The following CRIM1 variants were observed in gnomAD, a reference collection of about 807,000 sequenced individuals.
CRIM1 encodes the protein cysteine-rich motor neuron 1 protein.
A neutral mutation model predicts 116.4 loss-of-function variants in CRIM1; 32 were observed. That is an observed-to-expected ratio of 0.27 (90% CI 0.21 to 0.37). The LOEUF (loss-of-function observed/expected upper bound fraction) is 0.37. Ranked by LOEUF, CRIM1 falls within the 10% of genes least tolerant of loss-of-function variation. The probability of loss-of-function intolerance (pLI) is 1.00; values close to 1 mark genes in which losing one functional copy is unlikely to be tolerated. For synonymous variants in CRIM1, 590 were observed against 509.2 expected (o/e 1.16, Z -2.13); for missense variants, 1,331 against 1,354.8 (o/e 0.98, Z 0.28).
intron 1 of CRIM1, among the ~76,000 whole-genome samples, chr2:36,390,474 CAG>C (rs2148359575): frequency 6.6e-6 from 1 of 152,318 alleles, no homozygotes; most frequent in East Asian, 1.9e-4. Context: ...TGCCTCCTTT[CAG>C]GGCACGGGGT....
rs11899978 is a variant in CRIM1, at chr2:36,378,661, T to G, written c.332-17953T>G. On this transcript the variant is annotated intron_variant, in intron 1 of 16. Coordinates refer to ENST00000280527, the MANE Select transcript of CRIM1 (RefSeq NM_016441.3). ...ACTGCTGTCCTAAAGGTAAAAGATT[T>G]TGATCCAGAGGTTGGATTGTTCCTC... The G allele has an allele frequency of 2.0e-3, 403 of 199,766 alleles. 2 individuals carry two copies. The highest frequency in any genetic ancestry group is 8.4e-3 in the African/African-American group (370 of 44,134). The allele number at this position is 199,766 out of a possible 1,614,324, so 12.4% of individuals were successfully genotyped here.
intron 2 of CRIM1, among the ~76,000 whole-genome samples, chr2:36,437,704 G>A (rs968357087): frequency 6.6e-6 from 1 of 152,182 alleles, no homozygotes; most frequent in African/African-American, 2.4e-5. Context: ...ACTTAAGACT[G>A]TGTCTTTGGT....
At chr2:36,464,798 T>G (rs746523924) in intron 5 of CRIM1, 143 bp downstream of exon 5, 6 of 922,100 alleles carry the variant, frequency 6.5e-6, no homozygotes, top group African/African-American at 3.3e-5. Context: ...AAGGTTTGCT[T>G]AAGATCCACA....
chr2:36,463,920 C>G lies in CRIM1; in HGVS notation c.870-614C>G, dbSNP rs57885181. 3.3e-3 allele frequency among the ~76,000 whole-genome samples: 508 copies of G among 152,324 alleles called. 2 individuals carry two copies. Among genetic ancestry groups the G allele is most frequent in the African/African-American group, 0.012 (484 of 41,566 alleles). On this transcript the variant is annotated intron_variant, in intron 4 of 16. Transcript: ENST00000280527. Reference sequence around the variant, plus strand: ...TCACTTACTACAGCTTAGGCCCTCTCTTTATAAAGAGCTCCTCAGTCTTCA... The same window carrying G: ...TCACTTACTACAGCTTAGGCCCTCTGTTTATAAAGAGCTCCTCAGTCTTCA...
intron 1 of CRIM1, among the ~76,000 whole-genome samples, chr2:36,363,721 A>G (rs1669402997): frequency 6.6e-6 from 1 of 152,178 alleles, no homozygotes; most frequent in Non-Finnish European, 1.5e-5. Flanking sequence ...TAGATGTGCT[A>G]TAATCAGCAG....
intron 2 of CRIM1, among the ~76,000 whole-genome samples, chr2:36,411,662 T>TTGTGTGTGTG (rs58015078): frequency 5.9e-4 from 88 of 150,202 alleles, no homozygotes; most frequent in African/African-American, 1.7e-3. Context: ...ATCTTATTCT[T>TTGTGTGTGTG]TGTGTGTGTG....
chr2:36,505,029 G>A (rs1478162456), intron 8 of CRIM1, among the ~76,000 whole-genome samples: 3 of 152,178 alleles, frequency 2.0e-5, no homozygotes, highest in African/African-American at 4.8e-5. Flanking sequence ...CATGAAATAT[G>A]TATCTGAATC....
intron 14 of CRIM1, among the ~76,000 whole-genome samples, chr2:36,542,487 C>A (rs985826285): frequency 1.3e-5 from 2 of 152,164 alleles, no homozygotes; most frequent in East Asian, 1.9e-4. Context: ...TCCAAAGTTA[C>A]GTCTCTCCCT....
chr2:36,439,674 T>C (rs533233198), intron 2 of CRIM1, among the ~76,000 whole-genome samples: 1 of 152,254 alleles, frequency 6.6e-6, no homozygotes, highest in South Asian at 2.1e-4. Context: ...CCTTCAAGTC[T>C]TTGTTCAGCC....
At chr2:36,464,722 A>T (rs1029441565) in intron 5 of CRIM1, 67 bp downstream of exon 5, 2 of 1,574,462 alleles carry the variant, frequency 1.3e-6, no homozygotes, top group East Asian at 2.3e-5. Context: ...GGAGGGTTCA[A>T]CTTAGCTGCT....
rs1669266101 is a variant in CRIM1, at chr2:36,362,156, T to A, written c.331+5533T>A. The stretch of plus-strand genomic sequence containing the variant: ...ACTGCAAAAAGTCTATTATGTAGAC[T>A]TGCAAAAAGTCTACATAATAATATA... On this transcript the variant is annotated intron_variant, in intron 1 of 16. Transcript: ENST00000280527. Among the ~76,000 whole-genome samples, 3 of 152,104 alleles carry A rather than the reference T, an allele frequency of 2.0e-5. No individual in the cohort carries two copies. The South Asian group carries it at 6.2e-4, about 31-fold the overall frequency.
At chr2:36,534,983 T>C (rs3770821) in intron 13 of CRIM1, among the ~76,000 whole-genome samples, 45,790 of 151,876 alleles carry the variant, frequency 0.3, 7,188 homozygotes, top group Middle Eastern at 0.48. Flanking sequence ...CTCAGCAAAA[T>C]AGACTCTAAA....
At chr2:36,473,473 C>T (rs1463695048) in intron 5 of CRIM1, among the ~76,000 whole-genome samples, 1 of 152,184 alleles carries the variant, frequency 6.6e-6, no homozygotes, top group Non-Finnish European at 1.5e-5. Context: ...AGAACATTTT[C>T]ATCAAGCCAT....
rs72868423 is a variant in CRIM1 at position 36,548,414 on chromosome 2, A to G, written c.2935-111A>G. The G allele has an allele frequency of 3.9e-4, 284 of 727,360 alleles. 2 individuals carry two copies. The African/African-American group carries it at 4.5e-3, about 12-fold the overall frequency. 45.1% of individuals were successfully genotyped at this position (727,360 alleles called of 1,614,324 possible). On this transcript the variant is annotated intron_variant, in intron 16 of 16. Transcript: ENST00000280527. ...TAATCTGCATACAGGCTATCAATCA[A>G]TGAATTGTGAAACTGTTATCTCACC...
chr2:36,469,834 G>A (rs1328253844), intron 5 of CRIM1, among the ~76,000 whole-genome samples: 1 of 152,138 alleles, frequency 6.6e-6, no homozygotes, highest in East Asian at 1.9e-4. Context: ...GCCTTGTTAA[G>A]CTAATTTTGT....
rs145759995 is a variant in CRIM1 at position 36,526,985 on chromosome 2, T to C, written c.2428+4672T>C. On this transcript the variant is annotated intron_variant, in intron 13 of 16. Transcript: ENST00000280527. ...GTCTTAAGTGTTAGTATGTAGAACA[T>C]TGTTTTGAAAATTATGACTTGGCAA... 3.4e-3 allele frequency among the ~76,000 whole-genome samples: 523 copies of C among 152,206 alleles called. 2 individuals are homozygous for C. The highest frequency in any genetic ancestry group is 0.012 in the African/African-American group (487 of 41,538).
At chr2:36,459,234 C>T (rs980663956) in intron 4 of CRIM1, among the ~76,000 whole-genome samples, 3 of 152,072 alleles carry the variant, frequency 2.0e-5, no homozygotes, top group African/African-American at 7.2e-5. Context: ...ATTCTGGAGC[C>T]GCTCCCCAAA....
At chr2:36,523,559 C>T (rs548961053) in intron 13 of CRIM1, among the ~76,000 whole-genome samples, 16 of 152,340 alleles carry the variant, frequency 1.1e-4, no homozygotes, top group Admixed American at 5.2e-4. Flanking sequence ...CCTCTTTTAA[C>T]GCTTTTGTGT....
intron 1 of CRIM1, among the ~76,000 whole-genome samples, chr2:36,390,182 C>A (rs766675184): frequency 2.0e-5 from 3 of 151,906 alleles, no homozygotes; most frequent in Non-Finnish European, 4.4e-5. Flanking sequence ...CAGGTGTTTC[C>A]TGCCTTGGCA....
Sources: gnomAD v4.1 joint callset for allele counts (sites outside exome capture counted in the v4.1 genomes callset) on GRCh38, gnomAD v4.1.1 for gene constraint, MANE v1.5 for transcripts, NCBI Gene and HGNC (gene_info 2026-07-23, HGNC 2026-07-21) for gene names.